The following SEMA6D variants were observed in gnomAD, a reference collection of about 807,000 sequenced individuals.
SEMA6D encodes the protein semaphorin 6D.
Under a neutral mutation model 106.6 loss-of-function variants are expected in SEMA6D, and 35 were observed. The ratio of observed to expected loss-of-function variants is 0.33; its 90% CI spans 0.25 to 0.44. SEMA6D has a LOEUF of 0.44. SEMA6D is among the 20% of genes least tolerant of loss of function. The probability of loss-of-function intolerance (pLI) is 1.00; values close to 1 mark genes in which losing one functional copy is unlikely to be tolerated. For missense variants in SEMA6D, 1,185 were observed against 1,345.9 expected, an observed-to-expected ratio of 0.88 and a Z score of 1.87; for synonymous variants, 499 against 487.7, an observed-to-expected ratio of 1.02 and a Z score of -0.31.
At chr15:47,740,259 G>A (rs2080725192) in intron 1 of SEMA6D, among the ~76,000 whole-genome samples, 1 of 152,176 alleles carries the variant, frequency 6.6e-6, no homozygotes, top group Non-Finnish European at 1.5e-5. Context: ...GGTGACTCAT[G>A]CCTGTAATCC....
At chr15:47,597,032 G>C (rs577797888) in intron 3 of SEMA6D, among the ~76,000 whole-genome samples, 9 of 152,170 alleles carry the variant, frequency 5.9e-5, no homozygotes, top group African/African-American at 2.2e-4. Flanking sequence ...CAATACCTCT[G>C]ATAAGGGGTT....
chr15:47,404,638 C>T (rs945798568), intron 1 of SEMA6D, among the ~76,000 whole-genome samples: 22 of 152,172 alleles, frequency 1.4e-4, no homozygotes, highest in African/African-American at 5.3e-4. Flanking sequence ...AGAAAGATGC[C>T]CAGCTAGTAC....
At chr15:47,537,213 TAG>T (rs2045195919) in intron 3 of SEMA6D, among the ~76,000 whole-genome samples, 1 of 152,258 alleles carries the variant, frequency 6.6e-6, no homozygotes, top group African/African-American at 2.4e-5. Flanking sequence ...CTACAAATAA[TAG>T]AGAGTAAAGC....
intron 3 of SEMA6D, among the ~76,000 whole-genome samples, chr15:47,561,814 A>G (rs2046089283): frequency 6.6e-6 from 1 of 151,872 alleles, no homozygotes; most frequent in East Asian, 1.9e-4. Context: ...ATATAATGAC[A>G]AAATTGCATG....
rs542545141 is a variant in SEMA6D at position 47,675,374 on chromosome 15, G to A, written c.-55+74478G>A. Reference sequence around the variant, plus strand: ...CTCATTCAGTCAGACTGGAGTCCTCGCAAGAAGAGGAAACTTGGACACACA... The same window carrying A: ...CTCATTCAGTCAGACTGGAGTCCTCACAAGAAGAGGAAACTTGGACACACA... On this transcript the variant is annotated intron_variant, in intron 4 of 19. Coordinates refer to the SEMA6D transcript ENST00000558014. Among the ~76,000 whole-genome samples, 14 of 152,218 alleles carry A rather than the reference G, an allele frequency of 9.2e-5. 1 individual carries two copies. The South Asian group carries it at 1.2e-3, about 14-fold the overall frequency.
intron 1 of SEMA6D, among the ~76,000 whole-genome samples, chr15:47,719,715 G>A (rs986160625): frequency 9.2e-5 from 14 of 152,112 alleles, no homozygotes; most frequent in African/African-American, 3.1e-4. Context: ...ATCTCAGACC[G>A]CTCAAGGGAA....
At chr15:47,331,013 G>C (rs530302272) in intron 1 of SEMA6D, among the ~76,000 whole-genome samples, 1 of 152,190 alleles carries the variant, frequency 6.6e-6, no homozygotes, top group Non-Finnish European at 1.5e-5. Flanking sequence ...TCAGTCTTTA[G>C]CTGTGACAAA....
At chr15:47,316,571 A>G (rs566223082) in intron 1 of SEMA6D, among the ~76,000 whole-genome samples, 1 of 149,358 alleles carries the variant, frequency 6.7e-6, no homozygotes, top group East Asian at 2.0e-4. Flanking sequence ...TTCATTATCA[A>G]GTTGAGGAAG....
chr15:47,318,942 A>T lies in SEMA6D; in HGVS notation c.-238-93451A>T, dbSNP rs534798684. 8.5e-4 allele frequency among the ~76,000 whole-genome samples: 129 copies of T among 152,002 alleles called. 1 individual carries two copies. The highest frequency in any genetic ancestry group is 2.3e-3 in the East Asian group (12 of 5,168). The stretch of plus-strand genomic sequence containing the variant: ...TCTCCAGCACCTGTTGTTTCCTGAC[A>T]TTTTAATGATTGCCATTCTAACTGG... On this transcript the variant is annotated intron_variant, in intron 1 of 19. Transcript: ENST00000558014.
chr15:47,411,808 A>G (rs564733240), intron 1 of SEMA6D, among the ~76,000 whole-genome samples: 3 of 152,152 alleles, frequency 2.0e-5, no homozygotes, highest in African/African-American at 7.2e-5. Context: ...CTATTCCAGT[A>G]GCGTGGTCAG....
At chr15:47,545,562 T>C (rs1454447773) in intron 3 of SEMA6D, among the ~76,000 whole-genome samples, 1 of 152,194 alleles carries the variant, frequency 6.6e-6, no homozygotes, top group Non-Finnish European at 1.5e-5. Context: ...TGTCAGTTTC[T>C]GAATTGAATT....
At chr15:47,407,885 G>A (rs1289127531) in intron 1 of SEMA6D, among the ~76,000 whole-genome samples, 2 of 152,156 alleles carry the variant, frequency 1.3e-5, no homozygotes, top group African/African-American at 2.4e-5. Flanking sequence ...CAGGGGGATG[G>A]CGCCCTCACC....
chr15:47,280,325 G>A (rs1199218582), intron 1 of SEMA6D, among the ~76,000 whole-genome samples: 1 of 151,462 alleles, frequency 6.6e-6, no homozygotes, highest in African/African-American at 2.4e-5. Flanking sequence ...AGAGGTGTTT[G>A]TAGTATTCTC....
intron 3 of SEMA6D, among the ~76,000 whole-genome samples, chr15:47,508,089 C>T (rs764648995): frequency 1.3e-5 from 2 of 152,136 alleles, no homozygotes; most frequent in Non-Finnish European, 2.9e-5. Flanking sequence ...CTCTTAAAAG[C>T]CCGTGAACTT....
At chr15:47,636,602 A>G (rs969288930) in intron 4 of SEMA6D, among the ~76,000 whole-genome samples, 2 of 152,092 alleles carry the variant, frequency 1.3e-5, no homozygotes, top group Admixed American at 6.5e-5. Context: ...CTTCTAGCCA[A>G]TCCTCTTCTA....
At chr15:47,335,614 A>C (rs1294610706) in intron 1 of SEMA6D, among the ~76,000 whole-genome samples, 1 of 152,168 alleles carries the variant, frequency 6.6e-6, no homozygotes. Context: ...TGCCTTCTAC[A>C]TGGGTGCCCC....
intron 4 of SEMA6D, among the ~76,000 whole-genome samples, chr15:47,683,771 T>A (rs1045589983): frequency 6.6e-6 from 1 of 152,232 alleles, no homozygotes; most frequent in Non-Finnish European, 1.5e-5. Context: ...TGATTCCTAT[T>A]CCCTGGGAGT....
intron 1 of SEMA6D, among the ~76,000 whole-genome samples, chr15:47,236,836 G>A (rs1209426247): frequency 6.6e-6 from 1 of 152,176 alleles, no homozygotes; most frequent in Non-Finnish European, 1.5e-5. Context: ...CAAATAGCAC[G>A]GGACTGGGAT....
intron 3 of SEMA6D, among the ~76,000 whole-genome samples, chr15:47,480,960 C>T (rs1020019513): frequency 2.0e-5 from 3 of 151,862 alleles, no homozygotes; most frequent in South Asian, 2.1e-4. Flanking sequence ...GTTTTCATTG[C>T]CCTTTGATCA....
Sources: gnomAD v4.1 joint callset for allele counts (sites outside exome capture counted in the v4.1 genomes callset) on GRCh38, gnomAD v4.1.1 for gene constraint, MANE v1.5 for transcripts, NCBI Gene and HGNC (gene_info 2026-07-23, HGNC 2026-07-21) for gene names.